The following NDE1 variants were observed in gnomAD, a reference collection of about 807,000 sequenced individuals.
The protein encoded by NDE1 is nuclear distribution protein nudE homolog 1.
A neutral mutation model predicts 43.4 loss-of-function variants in NDE1; 28 were observed. The ratio of observed to expected loss-of-function variants is 0.65; its 90% CI spans 0.48 to 0.89. NDE1 has a LOEUF of 0.89. Among genes scored for constraint, NDE1 ranks in the 40% least tolerant of loss-of-function variants. NDE1 has a pLI of 0.00. For synonymous variants in NDE1, 184 were observed against 172.0 expected, an observed-to-expected ratio of 1.07 and a Z score of -0.55; for missense variants, 441 against 434.1, an observed-to-expected ratio of 1.02 and a Z score of -0.14.
chr16:15,717,424 G>T, intron 8 of NDE1: 1 of 1,476,324 alleles, frequency 6.8e-7, no homozygotes, highest in Non-Finnish European at 9.3e-7. Flanking sequence ...GCCTCTTCCT[G>T]CCTTGTTTGG....
At chr16:15,648,191 A>G (rs1404704318), upstream of NDE1, among the ~76,000 whole-genome samples, 2 of 152,138 alleles carry the variant, frequency 1.3e-5, no homozygotes, top group Non-Finnish European at 2.9e-5. Flanking sequence ...GACCTCAAGC[A>G]TTTATCCTTT....
intron 6 of NDE1, among the ~76,000 whole-genome samples, chr16:15,692,326 C>A (rs2038795131): frequency 6.6e-6 from 1 of 152,190 alleles, no homozygotes; most frequent in Admixed American, 6.5e-5. Flanking sequence ...CCAGGGCTTA[C>A]CCTACCATCT....
rs2040440828 is a variant in NDE1, at chr16:15,720,980, C to G, written c.948-3211C>G. The G allele has an allele frequency of 1.2e-6, 2 of 1,614,028 alleles. No individual in the cohort carries two copies. Among genetic ancestry groups the G allele is most frequent in the African/African-American group, 2.7e-5 (2 of 74,908 alleles). ...CCGTGGCTTGCAGCTCGTCCTCCAG[C>G]TCTTCCAGCTGCGTCTTCATCTCCT... is the stretch of plus-strand genomic sequence containing the variant. On this transcript the variant is annotated intron_variant, in intron 8 of 8. Transcript: ENST00000396354.
chr16:15,698,904 A>G (rs1379456895), intron 8 of NDE1, among the ~76,000 whole-genome samples: 1 of 151,894 alleles, frequency 6.6e-6, no homozygotes, highest in African/African-American at 2.4e-5. Flanking sequence ...TCTTTCTACG[A>G]GACAGGGTTT....
intron 2 of NDE1, 105 bp downstream of exon 2, chr16:15,664,966 G>C: frequency 1.2e-6 from 1 of 849,062 alleles, no homozygotes; most frequent in Non-Finnish European, 1.9e-6. Flanking sequence ...CGTGATCATA[G>C]TGCACAGCCG....
At chr16:15,670,386 G>A (rs8047124) in intron 3 of NDE1, among the ~76,000 whole-genome samples, 1,563 of 152,186 alleles carry the variant, frequency 0.01, 34 homozygotes, top group African/African-American at 0.034. Flanking sequence ...GGCTGGGTGC[G>A]GTGGCTCATG....
chr16:15,662,858 C>T (rs141980331), intron 1 of NDE1, among the ~76,000 whole-genome samples: 1,568 of 152,248 alleles, frequency 0.01, 34 homozygotes, highest in African/African-American at 0.035. Flanking sequence ...GGATTATAGG[C>T]GTGAGCCACT....
chr16:15,656,971 C>A (rs1476704034), intron 1 of NDE1, among the ~76,000 whole-genome samples: 1 of 152,178 alleles, frequency 6.6e-6, no homozygotes, highest in African/African-American at 2.4e-5. Flanking sequence ...ACATCTTTTT[C>A]CAAACCTCAG....
At chr16:15,693,213 C>G (rs761196633) in intron 6 of NDE1, among the ~76,000 whole-genome samples, 27 of 152,114 alleles carry the variant, frequency 1.8e-4, no homozygotes, top group Admixed American at 5.9e-4. Flanking sequence ...CCATGTTGGC[C>G]AGGCTGGTCT....
chr16:15,722,900 C>T (rs567037892), intron 8 of NDE1, among the ~76,000 whole-genome samples: 49 of 152,184 alleles, frequency 3.2e-4, no homozygotes, highest in African/African-American at 9.4e-4. Flanking sequence ...TGCGCCACCA[C>T]GCCCGGCTAA....
intron 8 of NDE1, chr16:15,708,769 A>G: frequency 6.3e-7 from 1 of 1,595,158 alleles, no homozygotes; most frequent in Non-Finnish European, 8.5e-7. Flanking sequence ...GGATACTGAG[A>G]CAACACACAG....
intron 1 of NDE1, among the ~76,000 whole-genome samples, chr16:15,659,815 C>G (rs2036958418): frequency 6.7e-6 from 1 of 148,436 alleles, no homozygotes; most frequent in African/African-American, 2.5e-5. Flanking sequence ...GTGGCACGAT[C>G]TCAGCTCATT....
At chr16:15,704,576 C>T (rs768373611) in intron 8 of NDE1, among the ~76,000 whole-genome samples, 3 of 152,214 alleles carry the variant, frequency 2.0e-5, no homozygotes, top group Non-Finnish European at 4.4e-5. Flanking sequence ...TGTATCTCCT[C>T]ACCCCCATTC....
At chr16:15,698,316 G>C (rs2039101358) in intron 8 of NDE1, among the ~76,000 whole-genome samples, 1 of 151,904 alleles carries the variant, frequency 6.6e-6, no homozygotes, top group Admixed American at 6.6e-5. Context: ...CGGATCAATT[G>C]AGCTCTGGAG....
At chr16:15,645,406 G>A (rs2036312360), upstream of NDE1, among the ~76,000 whole-genome samples, 1 of 152,116 alleles carries the variant, frequency 6.6e-6, no homozygotes, top group Admixed American at 6.5e-5. Context: ...GAGACAGGAG[G>A]ACCCCTTGAG....
intron 8 of NDE1, among the ~76,000 whole-genome samples, chr16:15,712,165 C>T (rs779737754): frequency 1.3e-5 from 2 of 152,202 alleles, no homozygotes; most frequent in African/African-American, 2.4e-5. Context: ...TGAAGAGTTT[C>T]AGTCAGGACT....
intron 3 of NDE1, 24 bp from the exon 4 acceptor site, chr16:15,677,777 C>T: frequency 6.2e-7 from 1 of 1,613,948 alleles, no homozygotes; most frequent in Non-Finnish European, 8.5e-7. Context: ...AAGTCATTCA[C>T]TCAGTGTCTG....
At chr16:15,719,205 C>A in intron 8 of NDE1, 1 of 1,612,140 alleles carries the variant, frequency 6.2e-7, no homozygotes, top group Non-Finnish European at 8.5e-7. Context: ...CCTCTTCCTC[C>A]ATTCAGTTTC....
chr16:15,699,593 A>T, intron 8 of NDE1: 1 of 1,209,728 alleles, frequency 8.3e-7, no homozygotes, highest in South Asian at 1.5e-5. Flanking sequence ...TCTTCATTTC[A>T]CAGGAGAGAA....
Sources: gnomAD v4.1 joint callset for allele counts (sites outside exome capture counted in the v4.1 genomes callset) on GRCh38, gnomAD v4.1.1 for gene constraint, MANE v1.5 for transcripts, NCBI Gene and HGNC (gene_info 2026-07-23, HGNC 2026-07-21) for gene names.